Variants in NECAB2 observed in about 807,000 individuals in gnomAD.
NECAB2 encodes N-terminal EF-hand calcium-binding protein 2.
A neutral mutation model predicts 51.9 loss-of-function variants in NECAB2; 68 were observed. The ratio of observed to expected loss-of-function variants is 1.31; its 90% confidence interval spans 1.08 to 1.60. The LOEUF (loss-of-function observed/expected upper bound fraction) is 1.60. Ranked by LOEUF, NECAB2 falls within the 40% of genes most tolerant of loss-of-function variation. NECAB2 has a pLI of 0.00. For synonymous variants in NECAB2, 329 were observed against 203.5 expected (o/e 1.62, Z -5.25); for missense variants, 854 against 490.3 (o/e 1.74, Z -7.00).
At chr16:83,999,238 G>T (rs566479181) in intron 10 of NECAB2, among the ~76,000 whole-genome samples, 2 of 151,694 alleles carry the variant, frequency 1.3e-5, no homozygotes, top group East Asian at 1.9e-4. Flanking sequence ...GCGTGGCCAC[G>T]AGGGGCCATT....
chr16:83,974,344 A>G (rs2084381604), intron 2 of NECAB2, among the ~76,000 whole-genome samples: 1 of 152,122 alleles, frequency 6.6e-6, no homozygotes, highest in African/African-American at 2.4e-5. Context: ...CACCCACCTC[A>G]GAGGGCTGTC....
chr16:83,990,452 C>T (rs780829796), intron 5 of NECAB2, 42 bp from the exon 6 acceptor site: 2 of 1,607,324 alleles, frequency 1.2e-6, no homozygotes, highest in Non-Finnish European at 1.7e-6. Context: ...CAATTTCCCT[C>T]CCACCCCTTT....
chr16:83,990,381 C>A (rs1359730866), intron 5 of NECAB2, 113 bp from the exon 6 acceptor site: 18 of 1,419,964 alleles, frequency 1.3e-5, no homozygotes, highest in Non-Finnish European at 1.7e-5. Flanking sequence ...CCTCCCTTCC[C>A]TTTGCAAAGC....
intron 3 of NECAB2, among the ~76,000 whole-genome samples, chr16:83,979,884 G>C (rs1054256433): frequency 3.3e-5 from 5 of 152,196 alleles, no homozygotes; most frequent in Non-Finnish European, 5.9e-5. Flanking sequence ...AATAGACTTT[G>C]TGCCCAAAAC....
intron 10 of NECAB2, among the ~76,000 whole-genome samples, chr16:83,998,679 G>GC (rs2084757606): frequency 6.6e-6 from 1 of 152,122 alleles, no homozygotes; most frequent in Admixed American, 6.5e-5. Flanking sequence ...AGCTGCTGCT[G>GC]TCACAGGGGT....
chr16:83,995,425 T>TA (rs1567676315), intron 8 of NECAB2, among the ~76,000 whole-genome samples: 1 of 152,068 alleles, frequency 6.6e-6, no homozygotes, highest in Non-Finnish European at 1.5e-5. Context: ...CCCTCCCTCA[T>TA]AGGGGTGTCG....
intron 5 of NECAB2, among the ~76,000 whole-genome samples, chr16:83,985,129 A>G (rs779604308): frequency 2.4e-4 from 36 of 151,794 alleles, no homozygotes; most frequent in Non-Finnish European, 4.6e-4. Context: ...CGTGGCCAAC[A>G]TGGTGAAACC....
upstream of NECAB2, among the ~76,000 whole-genome samples, chr16:83,967,566 T>G (rs1597187790): frequency 1.0e-5 from 1 of 100,262 alleles, no homozygotes; most frequent in Admixed American, 1.0e-4. Flanking sequence ...GATGGAAGGA[T>G]GGTGGGTGGA....
chr16:83,986,127 C>T (rs1398453549), intron 5 of NECAB2, among the ~76,000 whole-genome samples: 5 of 152,162 alleles, frequency 3.3e-5, no homozygotes, highest in Non-Finnish European at 7.3e-5. Flanking sequence ...AGCGATTCTT[C>T]CACCTCAGCC....
intron 2 of NECAB2, among the ~76,000 whole-genome samples, chr16:83,977,136 C>T (rs551161221): frequency 6.6e-6 from 1 of 152,234 alleles, no homozygotes; most frequent in Non-Finnish European, 1.5e-5. Flanking sequence ...TGTGGACTCT[C>T]AGGGCCCTTG....
chr16:83,972,316 C>CCTG, intron 2 of NECAB2, 141 bp downstream of exon 2: 4 of 1,189,796 alleles, frequency 3.4e-6, no homozygotes, highest in Non-Finnish European at 4.8e-6. Context: ...AAGGCCAAAT[C>CCTG]CTGCTGCTGC....
At chr16:83,987,101 C>G (rs964935392) in intron 5 of NECAB2, among the ~76,000 whole-genome samples, 3 of 152,142 alleles carry the variant, frequency 2.0e-5, no homozygotes, top group Non-Finnish European at 2.9e-5. Context: ...TCAAATCCAT[C>G]TTTCAAATAA....
At chr16:83,965,638 T>G, upstream of NECAB2, 1 of 1,613,298 alleles carries the variant, frequency 6.2e-7, no homozygotes, top group South Asian at 1.1e-5. Context: ...CCAGCCCCTA[T>G]GAGGGTTACC....
chr16:83,979,617 A>G (rs1159690632), intron 3 of NECAB2, among the ~76,000 whole-genome samples: 1 of 152,084 alleles, frequency 6.6e-6, no homozygotes, highest in African/African-American at 2.4e-5. Flanking sequence ...TGAAGGGGCC[A>G]GGCAGGTGCC....
In NECAB2 at chr16:84,000,775, C is replaced by T. The variant is rs1319193326; in HGVS notation, c.1014C>T (p.Phe338=). 1.9e-6 allele frequency: 3 copies of T among 1,613,794 alleles called. No individual in the cohort carries two copies. The highest frequency in any genetic ancestry group is 2.5e-6 in the Non-Finnish European group (3 of 1,179,986). The change falls in exon 11 of 13, where the codon TTC becomes TTT. Residue 338 remains phenylalanine, a synonymous_variant. Coordinates refer to ENST00000305202, the MANE Select transcript of NECAB2 (RefSeq NM_019065.3). The part of the protein sequence containing the change: ...SDGFTFVIYE[F]WETEEAWKRH... ...GCTTCACCTTTGTCATCTATGAGTT[C>T]TGGGAGACAGAGGAGGCGTGGAAGA...
intron 1 of NECAB2, among the ~76,000 whole-genome samples, chr16:83,969,995 A>G (rs552481429): frequency 6.6e-5 from 10 of 152,272 alleles, no homozygotes; most frequent in African/African-American, 2.4e-4. Flanking sequence ...ACACATTCAC[A>G]CACTCACGCA....
At chr16:83,990,994 T>G (rs189575329) in intron 6 of NECAB2, among the ~76,000 whole-genome samples, 2 of 152,248 alleles carry the variant, frequency 1.3e-5, no homozygotes, top group African/African-American at 2.4e-5. Context: ...TTATTTATTT[T>G]TTTGTTTTAG....
chr16:83,994,598 C>G lies in NECAB2; in HGVS notation c.716-11C>G, dbSNP rs775200154. 4.3e-6 allele frequency: 7 copies of G among 1,613,978 alleles called. No homozygotes were observed. The African/African-American group carries it at 5.3e-5, about 12-fold the overall frequency. ...ACCACTGAAGTCTGTGTGTCTCTTTCTCTACCGCAGCCACGGAGGATGCAA... is the reference window on the plus strand; with the variant it reads ...ACCACTGAAGTCTGTGTGTCTCTTTGTCTACCGCAGCCACGGAGGATGCAA... On this transcript the variant is annotated splice_polypyrimidine_tract_variant and intron_variant, in intron 7 of 12. Transcript: ENST00000305202.
rs1567672932 is a variant in NECAB2 at position 83,990,525 on chromosome 16, T to C, written c.491T>C (p.Phe164Ser). 2 of 1,614,134 alleles carry C rather than the reference T, an allele frequency of 1.2e-6. No individual in the cohort carries two copies. Among genetic ancestry groups the C allele is most frequent in the Non-Finnish European group, 1.7e-6 (2 of 1,180,026 alleles). ...VYEGGSNVDQ[F>S]VTRFLLKETA... ...GAGGGTGGGAGCAACGTGGACCAGTTTGTGACCCGCTTCCTCCTGAAGGAG... is the reference window on the plus strand; with the variant it reads ...GAGGGTGGGAGCAACGTGGACCAGTCTGTGACCCGCTTCCTCCTGAAGGAG... The change falls in exon 6 of 13, where the codon TTT (phenylalanine) becomes TCT (serine). Residue 164 changes from phenylalanine to serine, a missense_variant. Transcript: ENST00000305202.
Sources: gnomAD v4.1 joint callset for allele counts (sites outside exome capture counted in the v4.1 genomes callset) on GRCh38, gnomAD v4.1.1 for gene constraint, MANE v1.5 for transcripts, NCBI Gene and HGNC (gene_info 2026-07-23, HGNC 2026-07-21) for gene names.